Variants in HNF4G observed in about 807,000 individuals in gnomAD.
The protein encoded by HNF4G is hepatocyte nuclear factor 4-gamma.
HNF4G carries 21 observed loss-of-function variants against 50.9 expected under a neutral mutation model. The ratio of observed to expected loss-of-function variants is 0.41; its 90% CI spans 0.29 to 0.59. The LOEUF (loss-of-function observed/expected upper bound fraction) is 0.59. Among genes scored for constraint, HNF4G ranks in the 20% least tolerant of loss-of-function variants. HNF4G has a pLI of 0.26. For synonymous variants in HNF4G, 198 were observed against 185.6 expected, an observed-to-expected ratio of 1.07 and a Z score of -0.54; for missense variants, 527 against 559.4, an observed-to-expected ratio of 0.94 and a Z score of 0.58.
At chr8:75,521,476 T>C (rs1043991883) in intron 2 of HNF4G, among the ~76,000 whole-genome samples, 3 of 152,200 alleles carry the variant, frequency 2.0e-5, no homozygotes, top group African/African-American at 7.2e-5. Flanking sequence ...GTGAATGATT[T>C]CTTTTTCCAA....
intron 2 of HNF4G, among the ~76,000 whole-genome samples, chr8:75,547,273 A>ATAAG (rs1806808287): frequency 6.6e-6 from 1 of 152,254 alleles, no homozygotes; most frequent in Non-Finnish European, 1.5e-5. Context: ...GCAATAAGCA[A>ATAAG]CAAAAACTTG....
intron 8 of HNF4G, among the ~76,000 whole-genome samples, chr8:75,559,960 T>C (rs1296178299): frequency 6.6e-6 from 1 of 152,172 alleles, no homozygotes. Flanking sequence ...AGTTTTCTGG[T>C]GCATAATTTG....
At chr8:75,418,347 G>A (rs191262116) in intron 1 of HNF4G, among the ~76,000 whole-genome samples, 17 of 152,224 alleles carry the variant, frequency 1.1e-4, no homozygotes, top group African/African-American at 3.6e-4. Context: ...GATTTTGGGA[G>A]GGACACACAG....
At chr8:75,503,919 A>G (rs1270842361) in intron 2 of HNF4G, among the ~76,000 whole-genome samples, 1 of 152,184 alleles carries the variant, frequency 6.6e-6, no homozygotes, top group African/African-American at 2.4e-5. Flanking sequence ...GGTTATGTTT[A>G]GAATACATGA....
intron 1 of HNF4G, among the ~76,000 whole-genome samples, chr8:75,414,065 A>C (rs949328443): frequency 6.6e-6 from 1 of 152,098 alleles, no homozygotes. Flanking sequence ...CATGTGCTTC[A>C]GTGAGTTTTG....
At chr8:75,480,012 TG>T (rs1812338119) in intron 1 of HNF4G, among the ~76,000 whole-genome samples, 2 of 151,978 alleles carry the variant, frequency 1.3e-5, no homozygotes, top group African/African-American at 4.8e-5. Flanking sequence ...TAGAAAAAAG[TG>T]TTATTTTTTG....
chr8:75,538,057 A>C (rs76007067), upstream of HNF4G, among the ~76,000 whole-genome samples: 212 of 152,304 alleles, frequency 1.4e-3, no homozygotes, highest in Non-Finnish European at 2.6e-3. Context: ...GTGTTTCTAC[A>C]TCTGAATATC....
chr8:75,498,696 G>A (rs978287399), intron 2 of HNF4G, among the ~76,000 whole-genome samples: 2 of 151,852 alleles, frequency 1.3e-5, no homozygotes, highest in Non-Finnish European at 2.9e-5. Context: ...CAGAAAAAAA[G>A]GATTATCTAT....
At chr8:75,440,497 G>C (rs1013811037) in intron 1 of HNF4G, among the ~76,000 whole-genome samples, 3 of 152,144 alleles carry the variant, frequency 2.0e-5, no homozygotes, top group Non-Finnish European at 4.4e-5. Flanking sequence ...AATATGTATA[G>C]TTTCACAGAT....
At chr8:75,482,695 A>G (rs1483139535) in intron 1 of HNF4G, among the ~76,000 whole-genome samples, 1 of 151,952 alleles carries the variant, frequency 6.6e-6, no homozygotes, top group Non-Finnish European at 1.5e-5. Context: ...TGTTTTGGAT[A>G]CTTTCCTGAT....
intron 5 of HNF4G, 71 bp downstream of exon 5, chr8:75,553,268 T>C (rs755223137): frequency 2.1e-5 from 27 of 1,300,674 alleles, no homozygotes; most frequent in Non-Finnish European, 2.6e-5. Context: ...GTTCTTTCCA[T>C]ATTATTTGTA....
intron 1 of HNF4G, among the ~76,000 whole-genome samples, chr8:75,418,870 G>A (rs1810709962): frequency 6.6e-6 from 1 of 151,968 alleles, no homozygotes; most frequent in Non-Finnish European, 1.5e-5. Context: ...TGGGACTACA[G>A]GCATGAGCCA....
intron 1 of HNF4G, among the ~76,000 whole-genome samples, chr8:75,482,959 A>G (rs1000675398): frequency 2.6e-5 from 4 of 152,168 alleles, no homozygotes; most frequent in Admixed American, 2.0e-4. Context: ...TAAAATTGTA[A>G]TCTAATTCCG....
At chr8:75,487,846 A>C (rs1343460100) in intron 1 of HNF4G, among the ~76,000 whole-genome samples, 1 of 152,144 alleles carries the variant, frequency 6.6e-6, no homozygotes, top group Non-Finnish European at 1.5e-5. Context: ...ACAGTTCCTC[A>C]AGGCTGGGGA....
chr8:75,497,351 G>A (rs1041341119), intron 2 of HNF4G, among the ~76,000 whole-genome samples: 10 of 152,114 alleles, frequency 6.6e-5, no homozygotes, highest in African/African-American at 2.2e-4. Context: ...GAGGTATAAA[G>A]TACAATATAT....
At chr8:75,559,880 G>C (rs1807256146) in intron 8 of HNF4G, among the ~76,000 whole-genome samples, 1 of 152,122 alleles carries the variant, frequency 6.6e-6, no homozygotes, top group East Asian at 1.9e-4. Context: ...TCAGGAATAA[G>C]TTAAGAAATC....
chr8:75,474,457 G>A (rs1003988634), intron 1 of HNF4G, among the ~76,000 whole-genome samples: 1 of 152,118 alleles, frequency 6.6e-6, no homozygotes, highest in Non-Finnish European at 1.5e-5. Context: ...AAGTTAGAAG[G>A]AAGATTGAGT....
Position 75,452,003 on chromosome 8 carries a change from C to T in HNF4G, c.-143-38086C>T, listed in dbSNP as rs145496124. On this transcript the variant is annotated intron_variant, in intron 1 of 10. Coordinates refer to the HNF4G transcript ENST00000354370. ...GCAAACATTACTTCTGATCCCATTCCATTGGTGGAAACTTAGTTCCATGGC... is the reference window on the plus strand; with the variant it reads ...GCAAACATTACTTCTGATCCCATTCTATTGGTGGAAACTTAGTTCCATGGC... Among the ~76,000 whole-genome samples the T allele has an allele frequency of 3.3e-5, 5 of 152,234 alleles. No homozygotes were observed. The East Asian group carries it at 9.7e-4, about 29-fold the overall frequency.
At chr8:75,475,584 G>T (rs1812223048) in intron 1 of HNF4G, among the ~76,000 whole-genome samples, 1 of 152,118 alleles carries the variant, frequency 6.6e-6, no homozygotes, top group Admixed American at 6.5e-5. Context: ...CATCATTTAA[G>T]TCTCAGAGCT....
Sources: allele counts gnomAD v4.1 joint callset (sites outside exome capture counted in the v4.1 genomes callset), GRCh38; gene constraint gnomAD v4.1.1; transcripts MANE v1.5; gene names NCBI Gene and HGNC (gene_info 2026-07-23, HGNC 2026-07-21).